The following OTOP1 variants were observed in gnomAD, a reference collection of about 807,000 sequenced individuals.
OTOP1 encodes otopetrin 1.
Under a neutral mutation model 52.9 loss-of-function variants are expected in OTOP1, and 59 were observed. That is an observed-to-expected ratio of 1.12 (90% CI 0.91 to 1.39). The LOEUF (loss-of-function observed/expected upper bound fraction) is 1.39. Among genes scored for constraint, OTOP1 ranks in the 40% most tolerant of loss-of-function variants. The pLI is 0.00. For missense variants in OTOP1, 761 were observed against 800.9 expected (o/e 0.95, Z 0.60); for synonymous variants, 317 against 337.7 (o/e 0.94, Z 0.67).
chr4:4,188,887 A>C lies in OTOP1; in HGVS notation c.1755T>G (p.Ile585Met). 2 of 1,613,886 alleles carry C rather than the reference A, an allele frequency of 1.2e-6. No homozygotes were observed. Among genetic ancestry groups the C allele is most frequent in the South Asian group, 2.2e-5 (2 of 91,066 alleles). Residue 585 changes from isoleucine to methionine, a missense_variant, in exon 6 of 6, where the codon ATT becomes ATG. Around this residue, in one of 3 missense-constraint regions of OTOP1, gnomAD observed 632 missense variants for 619.5 expected, o/e 1.02. Transcript: ENST00000296358. ...AAAAAGGCATGGCCAGGTTGACCAC[A>C]ATTATCCAGGGTTCAAAGCCAAAGA... ...EIVFGFEPWI[I>M]VVNLAMPFSI...
At chr4:4,212,809 C>T in intron 2 of OTOP1, 59 bp downstream of exon 2, 5 of 1,586,162 alleles carry the variant, frequency 3.2e-6, no homozygotes, top group Non-Finnish European at 3.5e-6. Context: ...CAAGTTTCTA[C>T]ACAACCTGGG....
Position 4,198,002 on chromosome 4 carries a change from G to C in OTOP1, c.832C>G (p.Gln278Glu). 1 of 1,614,092 alleles carries C rather than the reference G, an allele frequency of 6.2e-7. No homozygotes were observed. The highest frequency in any genetic ancestry group is 1.1e-5 in the South Asian group (1 of 91,068). ...TAGAGCATTGTGGAGGCCAGGATCT[G>C]ATACTCTATGTTGAAGGGGTAGAGG... Reference protein sequence around the residue: ...YYLYPFNIEYQILASTMLYVL... With the variant: ...YYLYPFNIEYEILASTMLYVL... Residue 278 changes from glutamine to glutamate, a missense_variant, in exon 5 of 6, where the codon CAG (glutamine) becomes GAG (glutamate). This residue lies in a region of OTOP1 where 632 missense variants were observed against 619.5 expected (regional missense o/e 1.02). Transcript: ENST00000296358.
chr4:4,197,029 G>A, intron 5 of OTOP1, 137 bp downstream of exon 5: 1 of 949,446 alleles, frequency 1.1e-6, no homozygotes, highest in East Asian at 2.6e-5. Context: ...CATTACCTGG[G>A]TGATGGGATC....
chr4:4,225,584 T>A (rs1486238056), intron 1 of OTOP1, among the ~76,000 whole-genome samples: 66 of 59,210 alleles, frequency 1.1e-3, no homozygotes, highest in East Asian at 9.7e-4. Flanking sequence ...AAAAAAAAAA[T>A]GTGGCAGCCC....
chr4:4,202,474 G>T lies in OTOP1; in HGVS notation c.704C>A (p.Thr235Asn), dbSNP rs984431448. The T allele has an allele frequency of 2.5e-6, 4 of 1,613,880 alleles. No homozygotes were observed. The highest frequency in any genetic ancestry group is 2.5e-6 in the Non-Finnish European group (3 of 1,179,928). ...TGTTGTTATGTTCCCAAAACCCAGA[G>T]TGATGAGCCGTTCCTTGTGCTCATT... ...QLNEHKERLI[T>N]LGFGNITTVL... Residue 235 changes from threonine to asparagine, a missense_variant, in exon 4 of 6, where the codon ACT becomes AAT. This residue lies in a region of OTOP1 where 632 missense variants were observed against 619.5 expected (regional missense o/e 1.02). Coordinates refer to ENST00000296358, the MANE Select transcript of OTOP1 (RefSeq NM_177998.3).
chr4:4,217,868 G>C (rs1162433478), intron 1 of OTOP1, among the ~76,000 whole-genome samples: 2 of 152,168 alleles, frequency 1.3e-5, no homozygotes, highest in Non-Finnish European at 2.9e-5. Context: ...ATGAAAAGGA[G>C]AGCAAATTAT....
chr4:4,198,230 A>G (rs938576076), intron 4 of OTOP1, 127 bp from the exon 5 acceptor site: 5 of 725,108 alleles, frequency 6.9e-6, no homozygotes, highest in African/African-American at 5.3e-5. Context: ...GAGCTTTATC[A>G]TGTCATAGCT....
chr4:4,206,062 C>G lies in OTOP1; in HGVS notation c.599+10G>C, dbSNP rs1365247452. On this transcript the variant is annotated intron_variant, in intron 3 of 5. Transcript: ENST00000296358. ...ATTCAACATATAAAGCAATTACCCA[C>G]AATTTTTACCTTTCCAGTGTTTTGA... is the stretch of plus-strand genomic sequence containing the variant. 1 of 1,596,448 alleles carries G rather than the reference C, an allele frequency of 6.3e-7. No homozygotes were observed. Among genetic ancestry groups the G allele is most frequent in the East Asian group, 2.2e-5 (1 of 44,772 alleles).
intron 1 of OTOP1, among the ~76,000 whole-genome samples, chr4:4,214,826 AG>A (rs1353689576): frequency 2.6e-5 from 4 of 152,198 alleles, no homozygotes; most frequent in Non-Finnish European, 5.9e-5. Flanking sequence ...GTGTTTAATG[AG>A]GACAGAGTTT....
chr4:4,190,850 T>C (rs1471020511), intron 5 of OTOP1, among the ~76,000 whole-genome samples: 1 of 152,168 alleles, frequency 6.6e-6, no homozygotes, highest in African/African-American at 2.4e-5. Flanking sequence ...TCCTTTGCTG[T>C]GCCTCTTAAT....
chr4:4,204,628 C>T (rs1399248188), intron 3 of OTOP1, among the ~76,000 whole-genome samples: 5 of 152,180 alleles, frequency 3.3e-5, no homozygotes, highest in Admixed American at 2.6e-4. Flanking sequence ...CTGCCTTTCT[C>T]ATCACTGGAT....
intron 4 of OTOP1, among the ~76,000 whole-genome samples, chr4:4,201,349 C>A (rs1266703375): frequency 6.6e-6 from 1 of 151,968 alleles, no homozygotes; most frequent in Non-Finnish European, 1.5e-5. Context: ...ATCACTTGAA[C>A]CTGGGAGGCA....
At chr4:4,210,787 C>T (rs149008835) in intron 2 of OTOP1, among the ~76,000 whole-genome samples, 3,508 of 152,158 alleles carry the variant, frequency 0.023, 137 homozygotes, top group African/African-American at 0.079. Flanking sequence ...GCCAAGATTA[C>T]GCCATTGCAC....
intron 1 of OTOP1, among the ~76,000 whole-genome samples, chr4:4,220,101 A>AG (rs1717266477): frequency 1.5e-5 from 1 of 65,850 alleles, no homozygotes; most frequent in Non-Finnish European, 2.8e-5. Flanking sequence ...ATATATATAT[A>AG]TATATTTTTT....
At chr4:4,218,269 G>A (rs970694914) in intron 1 of OTOP1, among the ~76,000 whole-genome samples, 3 of 151,832 alleles carry the variant, frequency 2.0e-5, no homozygotes, top group Non-Finnish European at 4.4e-5. Context: ...GCAAGCACCT[G>A]TAGTCCCAGC....
chr4:4,211,894 C>T (rs564380304), intron 2 of OTOP1, among the ~76,000 whole-genome samples: 24 of 152,140 alleles, frequency 1.6e-4, no homozygotes, highest in East Asian at 7.7e-4. Flanking sequence ...ATTCTAGAGA[C>T]GTAATGGACA....
chr4:4,204,598 C>T (rs1258020910), intron 3 of OTOP1, among the ~76,000 whole-genome samples: 2 of 152,064 alleles, frequency 1.3e-5, no homozygotes, highest in African/African-American at 2.4e-5. Context: ...CAAGGGCAGA[C>T]GTCATTTTCT....
chr4:4,213,374 C>T (rs906356722), intron 1 of OTOP1, among the ~76,000 whole-genome samples: 2 of 152,204 alleles, frequency 1.3e-5, no homozygotes, highest in Middle Eastern at 3.4e-3. Flanking sequence ...ATGCAAGCAA[C>T]AAAAATTAAA....
At chr4:4,221,807 G>A (rs1717307363) in intron 1 of OTOP1, among the ~76,000 whole-genome samples, 1 of 152,106 alleles carries the variant, frequency 6.6e-6, no homozygotes, top group Admixed American at 6.6e-5. Context: ...GTAGAGACGG[G>A]GTTTCACCAT....
Sources: allele counts gnomAD v4.1 joint callset (sites outside exome capture counted in the v4.1 genomes callset), GRCh38; gene constraint gnomAD v4.1.1; regional missense constraint gnomAD v4.1.1; transcripts MANE v1.5; gene names NCBI Gene and HGNC (gene_info 2026-07-23, HGNC 2026-07-21).